CXCL8: variants seen among roughly 807,000 people sequenced by gnomAD.
CXCL8 encodes the protein interleukin-8.
A neutral mutation model predicts 10.9 loss-of-function variants in CXCL8; 12 were observed. The observed-to-expected ratio is 1.10, with a 90% CI of 0.71 to 1.79. The LOEUF is 1.79. Ranked by LOEUF, CXCL8 falls within the 40% of genes most tolerant of loss-of-function variation. The pLI is 0.00. For missense variants in CXCL8, 145 were observed against 113.4 expected, an observed-to-expected ratio of 1.28 and a Z score of -1.26; for synonymous variants, 41 against 39.6, an observed-to-expected ratio of 1.03 and a Z score of -0.13.
intron 3 of CXCL8, 79 bp downstream of exon 3, chr4:73,742,111 C>A: frequency 1.1e-6 from 1 of 876,098 alleles, no homozygotes; most frequent in Non-Finnish European, 1.7e-6. Flanking sequence ...AAATTTCTTT[C>A]TGTTGCTAAA....
intron 1 of CXCL8, among the ~76,000 whole-genome samples, chr4:73,741,092 GC>G (rs1457109710): frequency 6.6e-6 from 1 of 152,096 alleles, no homozygotes; most frequent in Non-Finnish European, 1.5e-5. Context: ...TCATTGACAA[GC>G]CTCAGATTTG....
Position 73,741,611 on chromosome 4 carries a change from ACCC to A in CXCL8, c.136_138del (p.Pro46del). ...ATAAAGACATACTCCAAACCTTTCC[ACCC>A]CAAATTTATCAAAGAACTGAGAGTG... On this transcript the variant is annotated inframe_deletion, in exon 2 of 4. Coordinates refer to ENST00000307407, the MANE Select transcript of CXCL8 (RefSeq NM_000584.4). 6.2e-7 allele frequency: 1 copy of A among 1,613,450 alleles called. No homozygotes were observed. Among genetic ancestry groups the A allele is most frequent in the Non-Finnish European group, 8.5e-7 (1 of 1,179,508 alleles).
In CXCL8 at chr4:73,741,971, G is replaced by C; in HGVS notation, c.223G>C (p.Glu75Gln). 2.5e-6 allele frequency: 4 copies of C among 1,610,580 alleles called. No homozygotes were observed. Among genetic ancestry groups the C allele is most frequent in the African/African-American group, 1.3e-5 (1 of 74,918 alleles). ...EIIVKLSDGR[E>Q]LCLDPKENWV... ...CAGTGTAAAGCTTTCTGATGGAAGAGAGCTCTGTCTGGACCCCAAGGAAAA... is the reference window on the plus strand; with the variant it reads ...CAGTGTAAAGCTTTCTGATGGAAGACAGCTCTGTCTGGACCCCAAGGAAAA... Residue 75 changes from glutamate (E) to glutamine (Q), a missense_variant, in exon 3 of 4, where the codon GAG (glutamate) becomes CAG (glutamine). Glu to Gln is a conservative substitution (Grantham distance 29, BLOSUM62 2). Coordinates refer to ENST00000307407, the MANE Select transcript of CXCL8 (RefSeq NM_000584.4).
rs184874017 is a variant in CXCL8, at chr4:73,740,727, G to C, written c.64+5G>C. ...TTTCTGCAGCTCTGTGTGAAGGTAAGCACATCTTTCTGACCTACAGCGTTT... is the reference window on the plus strand; with the variant it reads ...TTTCTGCAGCTCTGTGTGAAGGTAACCACATCTTTCTGACCTACAGCGTTT... On this transcript the variant is annotated splice_donor_5th_base_variant and intron_variant, in intron 1 of 3. Coordinates refer to ENST00000307407, the MANE Select transcript of CXCL8 (RefSeq NM_000584.4). The C allele has an allele frequency of 1.1e-4, 171 of 1,612,144 alleles. 1 individual carries two copies. The African/African-American group carries it at 1.9e-3, about 18-fold the overall frequency.
rs56002960 is a variant in CXCL8, at chr4:73,740,638, A to G, written c.-21A>G. 1.2e-6 allele frequency: 2 copies of G among 1,610,930 alleles called. No homozygotes were observed. Among genetic ancestry groups the G allele is most frequent in the South Asian group, 1.1e-5 (1 of 90,936 alleles). ...AGCCAGGAAGAAACCACCGGAAGGA[A>G]CCATCTCACTGTGTGTAAACATGAC... On this transcript the variant is annotated 5_prime_UTR_variant, in exon 1 of 4. Transcript: ENST00000307407.
chr4:73,741,529 T>C lies in CXCL8; in HGVS notation c.65-13T>C, dbSNP rs1329101595. 3.1e-6 allele frequency: 5 copies of C among 1,611,848 alleles called. No homozygotes were observed. In the African/African-American group the frequency reaches 4.0e-5, roughly 13 times the overall value. On this transcript the variant is annotated splice_polypyrimidine_tract_variant and intron_variant, in intron 1 of 3. Transcript: ENST00000307407. ...TGATAAAATCAATCCTTAATCACTT[T>C]TTCCCCCAACAGGTGCAGTTTTGCC...
In CXCL8 at chr4:73,743,370, T is replaced by C. The variant is rs1729234131; in HGVS notation, c.*906T>C. 4.8e-6 allele frequency: 1 copy of C among 208,870 alleles called. No individual in the cohort carries two copies. Among genetic ancestry groups the C allele is most frequent in the Non-Finnish European group, 9.7e-6 (1 of 102,802 alleles). 12.9% of individuals were successfully genotyped at this position (208,870 alleles called of 1,614,324 possible). A position where few individuals can be genotyped will look rare whatever the true frequency, so the allele number is the denominator to read the frequency against. On this transcript the variant is annotated 3_prime_UTR_variant, in exon 4 of 4. Coordinates refer to ENST00000307407, the MANE Select transcript of CXCL8 (RefSeq NM_000584.4). ...TAGTATAAGTACATTATTGTTTATC[T>C]GAAATTTTAATTGAACTAACAATCC...
At position 73,740,722 on chromosome 4, in the gene CXCL8, G is replaced by A. The variant is rs751273843; in HGVS notation, c.64G>A (p.Gly22Ser). The A allele has an allele frequency of 1.4e-5, 22 of 1,612,370 alleles. No individual in the cohort carries two copies. The highest frequency in any genetic ancestry group is 6.7e-5 in the Admixed American group (4 of 59,866). Residue 22 changes from glycine (G) to serine (S), a missense_variant and splice_region_variant, in exon 1 of 4, where the codon GGT (glycine) becomes AGT (serine). Coordinates refer to ENST00000307407, the MANE Select transcript of CXCL8 (RefSeq NM_000584.4). ...AFLISAALCE[G>S]AVLPRSAKEL... ...CCTGATTTCTGCAGCTCTGTGTGAA[G>A]GTAAGCACATCTTTCTGACCTACAG...
At chr4:73,742,174 A>G (rs1282070863) in intron 3 of CXCL8, 142 bp downstream of exon 3, 3 of 604,728 alleles carry the variant, frequency 5.0e-6, no homozygotes, top group East Asian at 5.7e-5. Context: ...AATAGCATCA[A>G]TAGTGAGTTT....
At position 73,743,625 on chromosome 4, in the gene CXCL8, T is replaced by G. The variant is rs1729239634; in HGVS notation, c.*1161T>G. On this transcript the variant is annotated 3_prime_UTR_variant, in exon 4 of 4. Transcript: ENST00000307407. The stretch of plus-strand genomic sequence containing the variant: ...TATTTTTAACTTTAAGATGTTTTTA[T>G]GTGCTCTCCAAATTTTTTTTACTGT... 4.9e-6 allele frequency: 1 copy of G among 202,754 alleles called. No individual in the cohort carries two copies. The highest frequency in any genetic ancestry group is 2.3e-5 in the African/African-American group (1 of 43,956). The allele number at this position is 202,754 out of a possible 1,614,324, so 12.6% of individuals were successfully genotyped here. A position where few individuals can be genotyped will look rare whatever the true frequency, so the allele number is the denominator to read the frequency against.
rs955502954 is a variant in CXCL8 at position 73,743,325 on chromosome 4, A to T, written c.*861A>T. The T allele has an allele frequency of 1.4e-5, 3 of 214,658 alleles. No homozygotes were observed. Among genetic ancestry groups the T allele is most frequent in the African/African-American group, 2.3e-5 (1 of 44,434 alleles). The allele number at this position is 214,658 out of a possible 1,614,324, so 13.3% of individuals were successfully genotyped here. ...GTACCCAGTTAAATTTTCATTTCAG[A>T]TAAACAACAAATAATTTTTTAGTAT... On this transcript the variant is annotated 3_prime_UTR_variant, in exon 4 of 4. Transcript: ENST00000307407.
chr4:73,740,872 T>A (rs1729153929), intron 1 of CXCL8, 150 bp downstream of exon 1: 1 of 649,306 alleles, frequency 1.5e-6, no homozygotes, highest in Admixed American at 3.3e-5. Flanking sequence ...AAATTGAAGA[T>A]TTAGAAAAAA....
chr4:73,741,695 G>C lies in CXCL8; in HGVS notation c.200+18G>C, dbSNP rs201844981. 7 of 1,601,228 alleles carry C rather than the reference G, an allele frequency of 4.4e-6. No homozygotes were observed. The highest frequency in any genetic ancestry group is 1.7e-5 in the Admixed American group (1 of 57,446). ...GAAATTATGTAAGTACTTTAAAAAA[G>C]ATTAGATATTTTGTTTTAGCAAACT... On this transcript the variant is annotated intron_variant, in intron 2 of 3. Transcript: ENST00000307407.
chr4:73,742,941 C>G lies in CXCL8; in HGVS notation c.*477C>G, dbSNP rs1729220196. 4.3e-6 allele frequency: 1 copy of G among 231,226 alleles called. No individual in the cohort carries two copies. The highest frequency in any genetic ancestry group is 2.2e-5 in the African/African-American group (1 of 45,200). 14.3% of individuals were successfully genotyped at this position (231,226 alleles called of 1,614,324 possible). On this transcript the variant is annotated 3_prime_UTR_variant, in exon 4 of 4. Transcript: ENST00000307407. ...TGTTAAATCTGGCAACCCTAGTCTG[C>G]TAGCCAGGATCCACAAGTCCTTGTT... is the stretch of plus-strand genomic sequence containing the variant.
chr4:73,742,862 G>T lies in CXCL8; in HGVS notation c.*398G>T, dbSNP rs1355867424. On this transcript the variant is annotated 3_prime_UTR_variant, in exon 4 of 4. Coordinates refer to ENST00000307407, the MANE Select transcript of CXCL8 (RefSeq NM_000584.4). The stretch of plus-strand genomic sequence containing the variant: ...TTGAAGCATCACATAAAAATGATGG[G>T]ACAATAAATTTTGCCATAAAGTCAA... 2 of 232,660 alleles carry T rather than the reference G, an allele frequency of 8.6e-6. No individual in the cohort carries two copies. Among genetic ancestry groups the T allele is most frequent in the Admixed American group, 1.1e-4 (2 of 17,734 alleles). The allele number at this position is 232,660 out of a possible 1,614,324, so 14.4% of individuals were successfully genotyped here.
In CXCL8 at chr4:73,743,170, A is replaced by C. The variant is rs946140711; in HGVS notation, c.*706A>C. On this transcript the variant is annotated 3_prime_UTR_variant, in exon 4 of 4. Transcript: ENST00000307407. ...AATATTTGTGCAAGAATTTGGAAAA[A>C]TAGAAGATGAATCATTGATTGAATA... is the stretch of plus-strand genomic sequence containing the variant. 4.5e-6 allele frequency: 1 copy of C among 224,224 alleles called. No individual in the cohort carries two copies. The allele number at this position is 224,224 out of a possible 1,614,324, so 13.9% of individuals were successfully genotyped here. A position where few individuals can be genotyped will look rare whatever the true frequency, so the allele number is the denominator to read the frequency against.
chr4:73,740,620 A>C lies in CXCL8; in HGVS notation c.-39A>C, dbSNP rs1447372001. The C allele has an allele frequency of 1.3e-5, 21 of 1,598,676 alleles. No individual in the cohort carries two copies. The highest frequency in any genetic ancestry group is 3.4e-5 in the Admixed American group (2 of 59,528). On this transcript the variant is annotated 5_prime_UTR_variant, in exon 1 of 4. Transcript: ENST00000307407. ...ACAAGCTTCTAGGACAAGAGCCAGG[A>C]AGAAACCACCGGAAGGAACCATCTC...
intron 1 of CXCL8, 127 bp downstream of exon 1, chr4:73,740,849 G>A: frequency 1.4e-6 from 1 of 709,520 alleles, no homozygotes; most frequent in Non-Finnish European, 2.3e-6. Context: ...AATCTTAGCA[G>A]TCAATTAATG....
intron 3 of CXCL8, 125 bp downstream of exon 3, chr4:73,742,157 A>G (rs897145927): frequency 3.2e-6 from 2 of 615,440 alleles, no homozygotes; most frequent in Non-Finnish European, 2.8e-6. Context: ...TGGTTAAAAA[A>G]AAAAGGAATA....
Sources: gnomAD v4.1 joint callset for allele counts (sites outside exome capture counted in the v4.1 genomes callset) on GRCh38, gnomAD v4.1.1 for gene constraint, MANE v1.5 for transcripts, NCBI Gene and HGNC (gene_info 2026-07-23, HGNC 2026-07-21) for gene names.